TAF4B: variants seen among roughly 807,000 people sequenced by gnomAD.
The protein encoded by TAF4B is transcription initiation factor TFIID subunit 4B.
Under a neutral mutation model 86.4 loss-of-function variants are expected in TAF4B, and 38 were observed. The observed-to-expected ratio is 0.44, with a 90% confidence interval of 0.34 to 0.58. The LOEUF (loss-of-function observed/expected upper bound fraction) is 0.58. Among genes scored for constraint, TAF4B ranks in the 20% least tolerant of loss-of-function variants. The pLI, the probability that TAF4B is intolerant of heterozygous loss-of-function variation, is 0.02. For missense variants in TAF4B, 988 were observed against 1,027.6 expected, an observed-to-expected ratio of 0.96 and a Z score of 0.53; for synonymous variants, 388 against 391.2, an observed-to-expected ratio of 0.99 and a Z score of 0.10.
rs537407664 is a variant in TAF4B at position 26,265,609 on chromosome 18, A to G, written c.489+294A>G. On this transcript the variant is annotated intron_variant, in intron 2 of 14. Coordinates refer to ENST00000269142, the MANE Select transcript of TAF4B (RefSeq NM_005640.3). ...ACTCTCTCTCCCAGGCTGGAGTACAATTGCGTGAACATGGCTCACTTGGTT... is the reference window on the plus strand; with the variant it reads ...ACTCTCTCTCCCAGGCTGGAGTACAGTTGCGTGAACATGGCTCACTTGGTT... Among the ~76,000 whole-genome samples, 22 of 152,254 alleles carry G rather than the reference A, an allele frequency of 1.4e-4. 1 individual carries two copies. The highest frequency in any genetic ancestry group is 2.1e-4 in the South Asian group (1 of 4,818).
intron 14 of TAF4B, among the ~76,000 whole-genome samples, chr18:26,388,508 C>T (rs922025684): frequency 6.6e-6 from 1 of 152,118 alleles, no homozygotes; most frequent in African/African-American, 2.4e-5. Flanking sequence ...GTAGTGGTGG[C>T]GGGAGCATAT....
At chr18:26,311,656 C>G (rs1354798977) in intron 9 of TAF4B, among the ~76,000 whole-genome samples, 1 of 151,934 alleles carries the variant, frequency 6.6e-6, no homozygotes, top group Admixed American at 6.6e-5. Context: ...AAGTTGAAGA[C>G]TAGAACAGGA....
At position 26,274,687 on chromosome 18, in the gene TAF4B, G is replaced by A. The variant is rs374415992; in HGVS notation, c.622G>A (p.Val208Ile). 29 of 1,614,040 alleles carry A rather than the reference G, an allele frequency of 1.8e-5. No individual in the cohort carries two copies. The highest frequency in any genetic ancestry group is 3.3e-4 in the Middle Eastern group (2 of 6,062). ...VQSVAVPTSVVTVTPGKPLNT... is the reference protein window; with the variant it reads ...VQSVAVPTSVITVTPGKPLNT... ...GTCTGTGGCTGTGCCAACCAGTGTC[G>A]TCACAGTTACTCCTGGAAAGCCATT... Residue 208 changes from valine to isoleucine, a missense_variant, in exon 4 of 15, where the codon GTC (valine) becomes ATC (isoleucine). Physicochemically the swap from Val to Ile is conservative, Grantham distance 29. Coordinates refer to ENST00000269142, the MANE Select transcript of TAF4B (RefSeq NM_005640.3).
chr18:26,258,864 A>ATT lies in TAF4B; in HGVS notation c.344-6290_344-6289dup, dbSNP rs369237752. ...GCGCCACCACACTGGGCTACTTTTA[A>ATT]TTTTTTTTTTTTTTTTTAGAGATGG... is the stretch of plus-strand genomic sequence containing the variant. On this transcript the variant is annotated intron_variant, in intron 1 of 14. Coordinates refer to ENST00000269142, the MANE Select transcript of TAF4B (RefSeq NM_005640.3). Among the ~76,000 whole-genome samples, 49 of 134,638 alleles carry ATT rather than the reference A, an allele frequency of 3.6e-4. No homozygotes were observed. The South Asian group carries it at 3.9e-3, about 11-fold the overall frequency. 88.3% of individuals were successfully genotyped at this position (134,638 alleles called of 152,430 possible).
At position 26,275,018 on chromosome 18, in the gene TAF4B, G is replaced by A. The variant is rs1303503802; in HGVS notation, c.847G>A (p.Gly283Arg). 6.2e-7 allele frequency: 1 copy of A among 1,611,182 alleles called. No homozygotes were observed. Among genetic ancestry groups the A allele is most frequent in the Non-Finnish European group, 8.5e-7 (1 of 1,179,614 alleles). ...TAGTGGATCACAGTCCCCAGAAATG[G>A]GGCAAAATGTGAAGAAGCTGGTGGA... ...ACSGSQSPEM[G>R]QNVKKLVEQL... Residue 283 changes from glycine (G) to arginine (R), a missense_variant, in exon 5 of 15, where the codon GGG becomes AGG. Around this residue, in one of 3 missense-constraint regions of TAF4B, gnomAD observed 747 missense variants for 737.9 expected, o/e 1.01. Transcript: ENST00000269142.
intron 14 of TAF4B, among the ~76,000 whole-genome samples, chr18:26,371,135 T>TA (rs539934793): frequency 6.8e-4 from 103 of 150,368 alleles, no homozygotes; most frequent in Non-Finnish European, 7.0e-4. Context: ...AACAGAATGT[T>TA]AAAAAAAAAA....
chr18:26,315,209 C>G lies in TAF4B; in HGVS notation c.1833-20C>G. The G allele has an allele frequency of 8.2e-7, 1 of 1,219,842 alleles. No homozygotes were observed. The highest frequency in any genetic ancestry group is 1.1e-6 in the Non-Finnish European group (1 of 914,836). The allele number at this position is 1,219,842 out of a possible 1,614,324, so 75.6% of individuals were successfully genotyped here. The stretch of plus-strand genomic sequence containing the variant: ...CACACACACAACCTAAAATGTATAA[C>G]TTTTTTTTTTTTCTATTAGAGATGA... On this transcript the variant is annotated intron_variant, in intron 9 of 14. Coordinates refer to ENST00000269142, the MANE Select transcript of TAF4B (RefSeq NM_005640.3).
chr18:26,311,472 T>TA (rs1211963903), intron 9 of TAF4B, among the ~76,000 whole-genome samples: 24 of 151,568 alleles, frequency 1.6e-4, no homozygotes, highest in Non-Finnish European at 3.2e-4. Context: ...CTGTCTCTAC[T>TA]AAAAAAAATA....
chr18:26,324,754 C>G (rs909400697), intron 11 of TAF4B, among the ~76,000 whole-genome samples: 1 of 152,192 alleles, frequency 6.6e-6, no homozygotes, highest in Non-Finnish European at 1.5e-5. Flanking sequence ...GCTAATGCCA[C>G]TGTCTACATT....
At chr18:26,327,590 A>T (rs2057014989) in intron 12 of TAF4B, among the ~76,000 whole-genome samples, 1 of 152,036 alleles carries the variant, frequency 6.6e-6, no homozygotes, top group East Asian at 1.9e-4. Flanking sequence ...TTATTTTTGG[A>T]GACAGAGTCT....
chr18:26,256,030 T>C, intron 1 of TAF4B: 3 of 1,263,968 alleles, frequency 2.4e-6, no homozygotes, highest in South Asian at 2.4e-5. Flanking sequence ...CCTTCTGCAG[T>C]TTACTGATAT....
At chr18:26,375,915 T>C (rs1339843390) in intron 14 of TAF4B, among the ~76,000 whole-genome samples, 2 of 152,142 alleles carry the variant, frequency 1.3e-5, no homozygotes, top group Non-Finnish European at 2.9e-5. Flanking sequence ...ATTCATTCTT[T>C]TGCGTGTGGC....
Position 26,294,667 on chromosome 18 carries a change from A to G in TAF4B, c.1832+1136A>G, listed in dbSNP as rs1040326466. Among the ~76,000 whole-genome samples the G allele has an allele frequency of 2.7e-5, 4 of 148,866 alleles. No individual in the cohort carries two copies. In the South Asian group the frequency reaches 8.4e-4, roughly 31 times the overall value. On this transcript the variant is annotated intron_variant, in intron 9 of 14. Transcript: ENST00000269142. ...ATGTATCATACATATTTATTTATGA[A>G]TATTTATATTAAAAATATGTATATA...
At chr18:26,303,011 AC>A (rs2056753433) in intron 9 of TAF4B, among the ~76,000 whole-genome samples, 1 of 151,082 alleles carries the variant, frequency 6.6e-6, no homozygotes, top group Middle Eastern at 3.2e-3. Flanking sequence ...CATATTTTCT[AC>A]CTACTTCTCC....
chr18:26,346,923 A>ATGT (rs2057203722), intron 13 of TAF4B, among the ~76,000 whole-genome samples: 1 of 91,576 alleles, frequency 1.1e-5, no homozygotes, highest in Non-Finnish European at 2.4e-5. Flanking sequence ...ATATATATAT[A>ATGT]GTTTTTTGTT....
chr18:26,357,680 C>T lies in TAF4B; in HGVS notation c.2317-10C>T, dbSNP rs374574458. ...TATAAACATTGATATTTTTTTCTTC[C>T]GTCTTCTAGTTACAGCAATTGGAAC... On this transcript the variant is annotated splice_polypyrimidine_tract_variant and intron_variant, in intron 13 of 14. Transcript: ENST00000269142. 118 of 1,583,994 alleles carry T rather than the reference C, an allele frequency of 7.4e-5. No individual in the cohort carries two copies. The Admixed American group carries it at 8.8e-4, about 12-fold the overall frequency.
intron 14 of TAF4B, among the ~76,000 whole-genome samples, chr18:26,377,837 C>T (rs916533082): frequency 6.6e-6 from 1 of 152,066 alleles, no homozygotes. Flanking sequence ...ATTTGGCTTC[C>T]GTCATTAGGG....
In TAF4B at chr18:26,390,085, G is replaced by A; in HGVS notation, c.*73G>A. On this transcript the variant is annotated 3_prime_UTR_variant, in exon 15 of 15. Coordinates refer to ENST00000269142, the MANE Select transcript of TAF4B (RefSeq NM_005640.3). The stretch of plus-strand genomic sequence containing the variant: ...ACACAAAGCATTGTTGCACTGTCCT[G>A]AAATTTCAATTTCTGGAAAATAATC... 1.4e-6 allele frequency: 2 copies of A among 1,441,442 alleles called. No homozygotes were observed. Among genetic ancestry groups the A allele is most frequent in the South Asian group, 1.5e-5 (1 of 68,314 alleles). The allele number at this position is 1,441,442 out of a possible 1,614,324, so 89.3% of individuals were successfully genotyped here. A position where few individuals can be genotyped will look rare whatever the true frequency, so the allele number is the denominator to read the frequency against.
At chr18:26,252,663 C>T (rs1490739313) in intron 1 of TAF4B, among the ~76,000 whole-genome samples, 3 of 151,936 alleles carry the variant, frequency 2.0e-5, no homozygotes, top group Non-Finnish European at 4.4e-5. Context: ...ACTTAGTAGC[C>T]CTCTTGACTG....
Sources: gnomAD v4.1 joint callset for allele counts (sites outside exome capture counted in the v4.1 genomes callset) on GRCh38, gnomAD v4.1.1 for gene constraint, gnomAD v4.1.1 regional missense constraint, MANE v1.5 for transcripts, NCBI Gene and HGNC (gene_info 2026-07-23, HGNC 2026-07-21) for gene names.